The following ZBTB20 variants were observed in gnomAD, a reference collection of about 807,000 sequenced individuals.
The protein encoded by ZBTB20 is zinc finger and BTB domain containing 20, also known as zinc finger and BTB domain-containing protein 20.
In ZBTB20, 9 loss-of-function variants were observed where a neutral mutation model predicts 56.9. That is an observed-to-expected ratio of 0.16 (90% confidence interval 0.10 to 0.28). ZBTB20 has a LOEUF of 0.28. Ranked by LOEUF, ZBTB20 falls within the 10% of genes least tolerant of loss-of-function variation. The probability of loss-of-function intolerance (pLI) is 1.00; values close to 1 mark genes in which losing one functional copy is unlikely to be tolerated. For synonymous variants in ZBTB20, 417 were observed against 420.7 expected, an observed-to-expected ratio of 0.99 and a Z score of 0.11; for missense variants, 655 against 1,003.0, an observed-to-expected ratio of 0.65 and a Z score of 4.69.
At chr3:114,753,953 G>A (rs556495693) in intron 5 of ZBTB20, among the ~76,000 whole-genome samples, 14 of 152,128 alleles carry the variant, frequency 9.2e-5, no homozygotes, top group Non-Finnish European at 1.5e-4. Flanking sequence ...GGGGAAAGGT[G>A]TTCCCAAAAG....
At chr3:114,442,598 C>T (rs111490697) in intron 7 of ZBTB20, among the ~76,000 whole-genome samples, 2 of 152,132 alleles carry the variant, frequency 1.3e-5, no homozygotes, top group African/African-American at 4.8e-5. Flanking sequence ...ACCTTGTTCC[C>T]CTCACAAATA....
At chr3:114,490,457 G>A (rs1379842961) in intron 7 of ZBTB20, among the ~76,000 whole-genome samples, 15 of 152,042 alleles carry the variant, frequency 9.9e-5, no homozygotes, top group African/African-American at 2.9e-4. Flanking sequence ...TCTTGACCTC[G>A]TGATCTGCCT....
At chr3:115,002,327 A>G (rs2079286451) in intron 2 of ZBTB20, among the ~76,000 whole-genome samples, 1 of 151,602 alleles carries the variant, frequency 6.6e-6, no homozygotes, top group Non-Finnish European at 1.5e-5. Context: ...ATAAGGTCTT[A>G]GATATAACAC....
At position 115,082,757 on chromosome 3, in the gene ZBTB20, T is replaced by A. The variant is rs114627759; in HGVS notation, c.-702-11343A>T. Among the ~76,000 whole-genome samples the A allele has an allele frequency of 1.2e-3, 181 of 152,100 alleles. 1 individual carries two copies. Among genetic ancestry groups the A allele is most frequent in the African/African-American group, 4.2e-3 (175 of 41,508 alleles). ...TAAAATGATAGAGACAAAGAAAAAC[T>A]GGCAAGCAAAAAGCAGCAAACACAG... On this transcript the variant is annotated intron_variant, in intron 1 of 11. Coordinates refer to ENST00000675478, the MANE Select transcript of ZBTB20 (RefSeq NM_001348800.3).
chr3:114,454,432 C>T (rs1046070019), intron 7 of ZBTB20: 3 of 151,276 alleles, frequency 2.0e-5, no homozygotes, highest in African/African-American at 7.3e-5. Context: ...CTCTCATACA[C>T]AAATGCCCAC....
At chr3:114,531,929 G>A (rs965745887) in intron 6 of ZBTB20, among the ~76,000 whole-genome samples, 14 of 152,296 alleles carry the variant, frequency 9.2e-5, no homozygotes, top group African/African-American at 3.1e-4. Flanking sequence ...GCGAGGGACT[G>A]TGCCATGAGG....
chr3:114,413,388 G>A (rs916210083), intron 7 of ZBTB20, among the ~76,000 whole-genome samples: 19 of 152,074 alleles, frequency 1.2e-4, no homozygotes, highest in African/African-American at 3.9e-4. Context: ...ATTAAAGGTC[G>A]ATGACATAAA....
chr3:114,550,333 G>A (rs901701723), intron 6 of ZBTB20, among the ~76,000 whole-genome samples: 6 of 152,092 alleles, frequency 3.9e-5, no homozygotes, highest in African/African-American at 9.7e-5. Context: ...TGGGTCAGCG[G>A]TCAGTCATAT....
chr3:114,894,028 G>GACA (rs756971962), intron 4 of ZBTB20, among the ~76,000 whole-genome samples: 22 of 152,104 alleles, frequency 1.4e-4, no homozygotes, highest in African/African-American at 2.2e-4. Context: ...AAGTCCTAAT[G>GACA]ACAACAACAA....
intron 1 of ZBTB20, among the ~76,000 whole-genome samples, chr3:115,076,961 C>T (rs897452489): frequency 8.5e-5 from 13 of 152,156 alleles, no homozygotes; most frequent in Non-Finnish European, 1.5e-4. Context: ...AGGGTTCACA[C>T]TCCCATGAGA....
intron 7 of ZBTB20, among the ~76,000 whole-genome samples, chr3:114,459,814 A>G (rs1416305095): frequency 1.3e-5 from 2 of 152,146 alleles, no homozygotes; most frequent in African/African-American, 4.8e-5. Context: ...CTATTTTTAT[A>G]GCAAGAAGTA....
At chr3:114,380,156 C>T in intron 10 of ZBTB20, 61 bp downstream of exon 10, 2 of 1,415,550 alleles carry the variant, frequency 1.4e-6, no homozygotes, top group East Asian at 2.6e-5. Flanking sequence ...AAGCCAGAAC[C>T]CAGGGTAGAA....
In ZBTB20 at chr3:114,336,674, T is replaced by G. The variant is rs2079466239; in HGVS notation, c.*2331A>C. ...TCTAAAATATATGAATAAAACCAATTTAGTCATTACAGAGTTGTTTGTGTT... is the reference window on the plus strand; with the variant it reads ...TCTAAAATATATGAATAAAACCAATGTAGTCATTACAGAGTTGTTTGTGTT... On this transcript the variant is annotated 3_prime_UTR_variant, in exon 12 of 12. Coordinates refer to ENST00000675478, the MANE Select transcript of ZBTB20 (RefSeq NM_001348800.3). 3 of 152,216 alleles carry G rather than the reference T, an allele frequency of 2.0e-5. No homozygotes were observed. In the South Asian group the frequency reaches 6.2e-4, roughly 32 times the overall value. 9.4% of individuals were successfully genotyped at this position (152,216 alleles called of 1,614,324 possible). A position where few individuals can be genotyped will look rare whatever the true frequency, so the allele number is the denominator to read the frequency against.
At chr3:114,790,546 A>G (rs935969359) in intron 5 of ZBTB20, among the ~76,000 whole-genome samples, 2 of 151,996 alleles carry the variant, frequency 1.3e-5, no homozygotes, top group Non-Finnish European at 2.9e-5. Context: ...TCATCTGTCC[A>G]TATCATATGA....
At position 114,377,093 on chromosome 3, in the gene ZBTB20, T is replaced by C. The variant is rs545693285; in HGVS notation, c.199+3124A>G. Among the ~76,000 whole-genome samples, 46 of 152,340 alleles carry C rather than the reference T, an allele frequency of 3.0e-4. 1 individual carries two copies. In the South Asian group the frequency reaches 7.9e-3, roughly 26 times the overall value. ...CTGCTTAAGCATTTAAAGGGAGCAC[T>C]TGGCTCAGCTCATACTCAGCTTGCT... On this transcript the variant is annotated intron_variant, in intron 10 of 11. Coordinates refer to ENST00000675478, the MANE Select transcript of ZBTB20 (RefSeq NM_001348800.3).
intron 3 of ZBTB20, among the ~76,000 whole-genome samples, chr3:114,909,210 C>T (rs527461466): frequency 1.3e-5 from 2 of 151,850 alleles, no homozygotes; most frequent in East Asian, 3.9e-4. Context: ...TGGATGATCC[C>T]GACCCTGTGT....
intron 10 of ZBTB20, chr3:114,359,550 A>T (rs2081590409): frequency 6.6e-6 from 1 of 152,174 alleles, no homozygotes; most frequent in East Asian, 1.9e-4. Context: ...ACCTTTTGAG[A>T]CACCTTTTAG....
intron 2 of ZBTB20, among the ~76,000 whole-genome samples, chr3:114,984,080 A>T (rs886481720): frequency 2.6e-5 from 4 of 151,824 alleles, no homozygotes; most frequent in African/African-American, 9.7e-5. Context: ...TCCTGGTTTA[A>T]TTTGAACATG....
chr3:115,078,178 C>A (rs529020571), intron 1 of ZBTB20, among the ~76,000 whole-genome samples: 1 of 152,172 alleles, frequency 6.6e-6, no homozygotes, highest in East Asian at 1.9e-4. Context: ...AATATAGAGA[C>A]AATTCATATA....
Sources: gnomAD v4.1 joint callset for allele counts (sites outside exome capture counted in the v4.1 genomes callset) on GRCh38, gnomAD v4.1.1 for gene constraint, MANE v1.5 for transcripts, NCBI Gene and HGNC (gene_info 2026-07-23, HGNC 2026-07-21) for gene names.